Variants in CASR observed in about 807,000 individuals in gnomAD.
CASR encodes calcium sensing receptor, also known as extracellular calcium-sensing receptor.
Under a neutral mutation model 69.1 loss-of-function variants are expected in CASR, and 23 were observed. The ratio of observed to expected loss-of-function variants is 0.33; its 90% CI spans 0.24 to 0.47. The LOEUF is 0.47. CASR is among the 20% of genes least tolerant of loss of function. The probability of loss-of-function intolerance (pLI) is 1.00; values close to 1 mark genes in which losing one functional copy is unlikely to be tolerated. For missense variants in CASR, 924 were observed against 1,356.1 expected (o/e 0.68, Z 5.00); for synonymous variants, 541 against 544.7 (o/e 0.99, Z 0.10).
In CASR at chr3:122,290,694, C is replaced by G. The variant is rs1406127708; in HGVS notation, c.*5503C>G. 6.6e-6 allele frequency: 1 copy of G among 151,740 alleles called. No homozygotes were observed. Among genetic ancestry groups the G allele is most frequent in the Non-Finnish European group, 1.5e-5 (1 of 67,964 alleles). The allele number at this position is 151,740 out of a possible 1,614,324, so 9.4% of individuals were successfully genotyped here. A position where few individuals can be genotyped will look rare whatever the true frequency, so the allele number is the denominator to read the frequency against. ...ATCATATTAGATAGGAATCACCATA[C>G]TGGGTCAGTCACCCCTCCTCCAAAT... On this transcript the variant is annotated 3_prime_UTR_variant, in exon 7 of 7. Coordinates refer to ENST00000639785, the MANE Select transcript of CASR (RefSeq NM_000388.4).
At chr3:122,283,586 G>T in intron 6 of CASR, 101 bp from the exon 7 acceptor site, 1 of 906,494 alleles carries the variant, frequency 1.1e-6, no homozygotes, top group East Asian at 2.4e-5. Context: ...AATATGTAGT[G>T]ACCACATCCA....
chr3:122,203,761 T>G (rs2073979791), intron 1 of CASR, among the ~76,000 whole-genome samples: 1 of 152,162 alleles, frequency 6.6e-6, no homozygotes, highest in South Asian at 2.1e-4. Context: ...ATAAAGTAAT[T>G]GTACTATGAT....
At chr3:122,243,547 A>G (rs1352355462) in intron 1 of CASR, among the ~76,000 whole-genome samples, 2 of 152,146 alleles carry the variant, frequency 1.3e-5, no homozygotes, top group Non-Finnish European at 2.9e-5. Flanking sequence ...GGATGTGAAG[A>G]AAAGGGAACT....
In CASR at chr3:122,183,705, A is replaced by G. The variant is rs923050468; in HGVS notation, c.-350A>G. ...GTGCAACAGGCACCTGGCTGCAGCC[A>G]GGAAGGACCGCACGCCCTTTCGCGC... On this transcript the variant is annotated 5_prime_UTR_variant, in exon 1 of 7. Coordinates refer to ENST00000639785, the MANE Select transcript of CASR (RefSeq NM_000388.4). The G allele has an allele frequency of 1.3e-5, 2 of 152,250 alleles. No homozygotes were observed. The highest frequency in any genetic ancestry group is 2.4e-5 in the African/African-American group (1 of 41,456). 9.4% of individuals were successfully genotyped at this position (152,250 alleles called of 1,614,324 possible).
In CASR at chr3:122,284,988, C is replaced by A. The variant is rs763977493; in HGVS notation, c.3034C>A (p.Pro1012Thr). ...KSSDTLTRHE[P>T]LLPLQCGETD... ...CAGCGATACGCTGACCCGACACGAGCCATTACTCCCGCTGCAGTGCGGGGA... is the reference window on the plus strand; with the variant it reads ...CAGCGATACGCTGACCCGACACGAGACATTACTCCCGCTGCAGTGCGGGGA... Residue 1012 changes from proline to threonine, a missense_variant, in exon 7 of 7, where the codon CCA becomes ACA. Pro to Thr is a conservative substitution (Grantham distance 38, BLOSUM62 -1). This residue lies in a region of CASR where 201 missense variants were observed against 228.8 expected (regional missense o/e 0.88). Coordinates refer to ENST00000639785, the MANE Select transcript of CASR (RefSeq NM_000388.4). The A allele has an allele frequency of 1.9e-6, 3 of 1,614,244 alleles. No homozygotes were observed. In the South Asian group the frequency reaches 3.3e-5, roughly 18 times the overall value.
rs769706960 is a variant in CASR, at chr3:122,284,255, G to A, written c.2301G>A (p.Glu767=). 8 of 1,614,004 alleles carry A rather than the reference G, an allele frequency of 5.0e-6. No individual in the cohort carries two copies. The highest frequency in any genetic ancestry group is 6.8e-6 in the Non-Finnish European group (8 of 1,180,042). ...EDEIIFITCH[E]GSLMALGFLI... ...AGATCATCTTCATCACGTGCCACGAGGGCTCCCTCATGGCCCTGGGCTTCC... is the reference window on the plus strand; with the variant it reads ...AGATCATCTTCATCACGTGCCACGAAGGCTCCCTCATGGCCCTGGGCTTCC... The change falls in exon 7 of 7, where the codon GAG becomes GAA. Residue 767 remains glutamate, a synonymous_variant. Coordinates refer to ENST00000639785, the MANE Select transcript of CASR (RefSeq NM_000388.4).
chr3:122,185,429 G>A (rs1015506489), intron 1 of CASR, among the ~76,000 whole-genome samples: 2 of 152,148 alleles, frequency 1.3e-5, no homozygotes, highest in Non-Finnish European at 2.9e-5. Flanking sequence ...GCCTACTAAC[G>A]AGAAGACATT....
chr3:122,260,565 T>C (rs2074607871), intron 3 of CASR, among the ~76,000 whole-genome samples: 1 of 152,200 alleles, frequency 6.6e-6, no homozygotes, highest in African/African-American at 2.4e-5. Flanking sequence ...TTCTTCACAA[T>C]GCGACCTTCA....
At chr3:122,193,255 C>T (rs2073856553) in intron 1 of CASR, among the ~76,000 whole-genome samples, 1 of 151,412 alleles carries the variant, frequency 6.6e-6, no homozygotes, top group African/African-American at 2.4e-5. Context: ...CTCACTCTGT[C>T]ACCCAGTCTA....
intron 1 of CASR, among the ~76,000 whole-genome samples, chr3:122,204,833 G>A (rs1341600929): frequency 1.3e-5 from 2 of 152,084 alleles, no homozygotes; most frequent in Non-Finnish European, 2.9e-5. Context: ...ACATGATGTT[G>A]AGTATTTTTT....
rs2074631702 is a variant in CASR, at chr3:122,261,996, G to A, written c.961G>A (p.Ala321Thr). The part of the protein sequence containing the change: ...FHVVGGTIGF[A>T]LKAGQIPGFR... The stretch of plus-strand genomic sequence containing the variant: ...CGTGGTTGGCGGCACCATTGGATTC[G>A]CTCTGAAGGCTGGGCAGATCCCAGG... The change falls in exon 4 of 7, where the codon GCT (alanine) becomes ACT (threonine). Residue 321 changes from alanine to threonine, a missense_variant. By Grantham distance (58) the Ala-to-Thr change is moderately conservative. Coordinates refer to ENST00000639785, the MANE Select transcript of CASR (RefSeq NM_000388.4). 2 of 1,614,204 alleles carry A rather than the reference G, an allele frequency of 1.2e-6. No homozygotes were observed. Among genetic ancestry groups the A allele is most frequent in the Non-Finnish European group, 1.7e-6 (2 of 1,180,036 alleles).
intron 1 of CASR, among the ~76,000 whole-genome samples, chr3:122,253,350 T>G (rs563679037): frequency 3.0e-4 from 46 of 152,216 alleles, no homozygotes; most frequent in Admixed American, 5.9e-4. Flanking sequence ...CAAGCAATTC[T>G]CCTGCCGCAG....
intron 1 of CASR, among the ~76,000 whole-genome samples, chr3:122,230,623 G>T (rs2074269973): frequency 6.6e-6 from 1 of 152,166 alleles, no homozygotes; most frequent in South Asian, 2.1e-4. Context: ...ACCTGAGCAG[G>T]ACTTGGAAAG....
rs574459477 is a variant in CASR, at chr3:122,289,158, T to C, written c.*3967T>C. On this transcript the variant is annotated 3_prime_UTR_variant, in exon 7 of 7. Transcript: ENST00000639785. ...AGCTTCCCTTTGCTCATCTGCTGCA[T>C]TTGAAATAATTATTGCTACAAGAAT... 1.8e-4 allele frequency: 27 copies of C among 152,242 alleles called. No homozygotes were observed. The highest frequency in any genetic ancestry group is 2.9e-4 in the Non-Finnish European group (20 of 68,048). 9.4% of individuals were successfully genotyped at this position (152,242 alleles called of 1,614,324 possible).
At chr3:122,219,889 A>G (rs1240206123) in intron 1 of CASR, among the ~76,000 whole-genome samples, 1 of 152,176 alleles carries the variant, frequency 6.6e-6, no homozygotes, top group African/African-American at 2.4e-5. Context: ...TGGTAGCCTT[A>G]CCAGTAAGAT....
rs932483139 is a variant in CASR at position 122,290,513 on chromosome 3, G to T, written c.*5322G>T. On this transcript the variant is annotated 3_prime_UTR_variant, in exon 7 of 7. Coordinates refer to ENST00000639785, the MANE Select transcript of CASR (RefSeq NM_000388.4). ...TAAATATACACTCATTATAAATGAA[G>T]ATTGCTTGGTAATGGACTAATGGAT... 18 of 152,256 alleles carry T rather than the reference G, an allele frequency of 1.2e-4. No individual in the cohort carries two copies. The highest frequency in any genetic ancestry group is 4.3e-4 in the African/African-American group (18 of 41,558). The allele number at this position is 152,256 out of a possible 1,614,324, so 9.4% of individuals were successfully genotyped here.
At chr3:122,200,101 TTCATCATGTTAGTCAGGCTGGTC>T (rs1405740347) in intron 1 of CASR, among the ~76,000 whole-genome samples, 1 of 151,942 alleles carries the variant, frequency 6.6e-6, no homozygotes. Context: ...GAGATGGGGT[TTCATCATGTTAGTCAGGCTGGTC>T]TCAAACTCCT....
chr3:122,239,526 T>C (rs573040824), intron 1 of CASR, among the ~76,000 whole-genome samples: 1 of 152,362 alleles, frequency 6.6e-6, no homozygotes, highest in South Asian at 2.1e-4. Flanking sequence ...CCTGGTTGGC[T>C]TCTTCACTGC....
chr3:122,221,725 T>C (rs2074173605), intron 1 of CASR, among the ~76,000 whole-genome samples: 1 of 152,218 alleles, frequency 6.6e-6, no homozygotes. Context: ...CAATCTAGGT[T>C]TAAATAATCC....
Sources: gnomAD v4.1 joint callset for allele counts (sites outside exome capture counted in the v4.1 genomes callset) on GRCh38, gnomAD v4.1.1 for gene constraint, gnomAD v4.1.1 regional missense constraint, MANE v1.5 for transcripts, NCBI Gene and HGNC (gene_info 2026-07-23, HGNC 2026-07-21) for gene names.